Variants in GPC6 observed in about 807,000 individuals in gnomAD.
GPC6 encodes glypican 6, also known as glypican-6.
GPC6 carries 14 observed loss-of-function variants against 55.2 expected under a neutral mutation model. The ratio of observed to expected loss-of-function variants is 0.25; its 90% CI spans 0.17 to 0.40. The LOEUF (loss-of-function observed/expected upper bound fraction) is 0.40, where lower values mean the gene tolerates loss of function less well. GPC6 is among the 10% of genes least tolerant of loss of function. The pLI is 1.00. For missense variants in GPC6, 641 were observed against 708.5 expected (o/e 0.90, Z 1.08); for synonymous variants, 278 against 259.6 (o/e 1.07, Z -0.68).
intron 4 of GPC6, among the ~76,000 whole-genome samples, chr13:94,158,288 T>G (rs569852436): frequency 6.6e-6 from 1 of 152,158 alleles, no homozygotes; most frequent in East Asian, 1.9e-4. Context: ...TTTCAGATGT[T>G]ACTAGGAAGG....
chr13:94,370,111 C>T (rs143811161), intron 6 of GPC6, among the ~76,000 whole-genome samples: 4 of 152,304 alleles, frequency 2.6e-5, no homozygotes, highest in Non-Finnish European at 5.9e-5. Flanking sequence ...GGCTAAAAGC[C>T]ATGGCTTCTA....
intron 2 of GPC6, among the ~76,000 whole-genome samples, chr13:93,690,369 G>C (rs1243951172): frequency 1.3e-5 from 2 of 152,046 alleles, no homozygotes; most frequent in Non-Finnish European, 2.9e-5. Context: ...TTGTTAGAAA[G>C]TCTAGGACCA....
chr13:93,831,244 C>G (rs1401698143), intron 3 of GPC6, among the ~76,000 whole-genome samples: 3 of 152,106 alleles, frequency 2.0e-5, no homozygotes, highest in African/African-American at 7.2e-5. Flanking sequence ...ATCTCTATAC[C>G]TTGGATATAA....
At chr13:93,582,138 C>G (rs1876966201) in intron 2 of GPC6, among the ~76,000 whole-genome samples, 1 of 152,182 alleles carries the variant, frequency 6.6e-6, no homozygotes, top group African/African-American at 2.4e-5. Flanking sequence ...TAGAAGAACT[C>G]TCCTTGTTAT....
intron 2 of GPC6, among the ~76,000 whole-genome samples, chr13:93,626,128 C>T (rs2139564390): frequency 6.6e-6 from 1 of 152,244 alleles, no homozygotes; most frequent in African/African-American, 2.4e-5. Flanking sequence ...GAAAACTGCA[C>T]CTAGCTGAAT....
chr13:93,552,472 GTCTC>G (rs989232720), intron 2 of GPC6, among the ~76,000 whole-genome samples: 18 of 150,276 alleles, frequency 1.2e-4, no homozygotes, highest in African/African-American at 4.2e-4. Flanking sequence ...TCCTTTCTCT[GTCTC>G]TCTGTCTCTC....
chr13:93,945,534 G>A (rs1013633377), intron 3 of GPC6, among the ~76,000 whole-genome samples: 2 of 152,202 alleles, frequency 1.3e-5, no homozygotes, highest in Admixed American at 6.5e-5. Flanking sequence ...TGGTGAGATT[G>A]GAGAGTGTAT....
chr13:93,813,246 G>T (rs71429540), intron 2 of GPC6, among the ~76,000 whole-genome samples: 1 of 152,042 alleles, frequency 6.6e-6, no homozygotes, highest in Non-Finnish European at 1.5e-5. Context: ...TGAAACCCCC[G>T]TCTCTACTAA....
At chr13:94,158,156 A>G (rs1290276171) in intron 4 of GPC6, among the ~76,000 whole-genome samples, 1 of 152,182 alleles carries the variant, frequency 6.6e-6, no homozygotes, top group Non-Finnish European at 1.5e-5. Context: ...GTGTTTGAGA[A>G]ATGATACGCA....
intron 2 of GPC6, among the ~76,000 whole-genome samples, chr13:93,746,523 A>G (rs1884405835): frequency 1.3e-5 from 2 of 152,216 alleles, no homozygotes; most frequent in Admixed American, 1.3e-4. Context: ...GAGCAAGCAT[A>G]CACTTCCAAT....
At chr13:93,654,799 A>C (rs139406493) in intron 2 of GPC6, among the ~76,000 whole-genome samples, 12 of 151,932 alleles carry the variant, frequency 7.9e-5, no homozygotes, top group Non-Finnish European at 1.5e-4. Flanking sequence ...CTTAAAAGCA[A>C]ACTTCCAATA....
intron 2 of GPC6, among the ~76,000 whole-genome samples, chr13:93,754,416 C>G (rs1006736276): frequency 4.6e-5 from 7 of 152,102 alleles, no homozygotes; most frequent in Admixed American, 1.3e-4. Flanking sequence ...ATGCTTGTAT[C>G]CCTTCCTCTG....
At chr13:93,357,400 G>A (rs1465961086) in intron 1 of GPC6, among the ~76,000 whole-genome samples, 2 of 151,962 alleles carry the variant, frequency 1.3e-5, no homozygotes, top group Non-Finnish European at 2.9e-5. Flanking sequence ...CTGCTATTGA[G>A]TTATCAATGA....
chr13:94,085,039 T>G (rs1885229958), intron 4 of GPC6, among the ~76,000 whole-genome samples: 2 of 151,912 alleles, frequency 1.3e-5, no homozygotes, highest in South Asian at 4.2e-4. Context: ...AAAAAGAGTT[T>G]GTGGCTGGGC....
At chr13:94,059,506 A>G (rs1884249963) in intron 4 of GPC6, among the ~76,000 whole-genome samples, 1 of 152,068 alleles carries the variant, frequency 6.6e-6, no homozygotes, top group African/African-American at 2.4e-5. Flanking sequence ...AGGTTCAAGG[A>G]TTGGAATGGG....
chr13:93,632,410 G>C (rs1311464323), intron 2 of GPC6, among the ~76,000 whole-genome samples: 2 of 151,930 alleles, frequency 1.3e-5, no homozygotes, highest in East Asian at 3.9e-4. Flanking sequence ...AGGAGTTTGA[G>C]ATGAGGCTGA....
chr13:94,344,214 T>C (rs1047977658), intron 6 of GPC6, among the ~76,000 whole-genome samples: 1 of 152,220 alleles, frequency 6.6e-6, no homozygotes, highest in Non-Finnish European at 1.5e-5. Context: ...ATGGAAAATT[T>C]TGATATTTTA....
chr13:93,649,924 G>A (rs1880335064), intron 2 of GPC6, among the ~76,000 whole-genome samples: 1 of 152,094 alleles, frequency 6.6e-6, no homozygotes, highest in African/African-American at 2.4e-5. Flanking sequence ...TATAGTTCTG[G>A]TGAATAGACG....
At chr13:94,146,916 C>T (rs1887580429) in intron 4 of GPC6, among the ~76,000 whole-genome samples, 2 of 152,082 alleles carry the variant, frequency 1.3e-5, no homozygotes, top group Non-Finnish European at 2.9e-5. Flanking sequence ...TATATATTTC[C>T]ACTGTTAACA....
Sources: gnomAD v4.1 joint callset for allele counts (sites outside exome capture counted in the v4.1 genomes callset) on GRCh38, gnomAD v4.1.1 for gene constraint, MANE v1.5 for transcripts, NCBI Gene and HGNC (gene_info 2026-07-23, HGNC 2026-07-21) for gene names.